The following SH3BGR variants were observed in gnomAD, a reference collection of about 807,000 sequenced individuals.
SH3BGR encodes SH3 domain binding glutamate rich protein.
In SH3BGR, 29 loss-of-function variants were observed where a neutral mutation model predicts 24.5. That is an observed-to-expected ratio of 1.18 (90% CI 0.88 to 1.61). SH3BGR has a LOEUF of 1.61. Among genes scored for constraint, SH3BGR ranks in the 40% most tolerant of loss-of-function variants. The probability of loss-of-function intolerance (pLI) is 0.00; values close to 1 mark genes in which losing one functional copy is unlikely to be tolerated. For missense variants in SH3BGR, 162 were observed against 205.8 expected, an observed-to-expected ratio of 0.79 and a Z score of 1.30; for synonymous variants, 55 against 65.7, an observed-to-expected ratio of 0.84 and a Z score of 0.79.
chr21:39,510,372 A>ACG (rs2078660217), intron 5 of SH3BGR, among the ~76,000 whole-genome samples: 1 of 145,294 alleles, frequency 6.9e-6, no homozygotes, highest in Non-Finnish European at 1.5e-5. Context: ...ACATACACAC[A>ACG]CACACACACA....
intron 3 of SH3BGR, among the ~76,000 whole-genome samples, chr21:39,493,679 G>C (rs1049120382): frequency 4.6e-5 from 7 of 152,092 alleles, no homozygotes; most frequent in African/African-American, 1.7e-4. Context: ...GATGGGAATT[G>C]CATTGAATTT....
At chr21:39,510,488 A>G (rs368812872) in intron 5 of SH3BGR, among the ~76,000 whole-genome samples, 133 of 149,460 alleles carry the variant, frequency 8.9e-4, no homozygotes, top group Non-Finnish European at 1.5e-3. Flanking sequence ...CACCCCATCA[A>G]TTTCTGGTGA....
At chr21:39,489,722 C>T (rs375010657) in intron 3 of SH3BGR, among the ~76,000 whole-genome samples, 1 of 152,140 alleles carries the variant, frequency 6.6e-6, no homozygotes. Flanking sequence ...AGAGTAATTG[C>T]GGTTTTTGCC....
chr21:39,491,585 G>C, intron 3 of SH3BGR: 1 of 256,948 alleles, frequency 3.9e-6, no homozygotes, highest in Non-Finnish European at 7.7e-6. Flanking sequence ...GCACCCGCAG[G>C]TCTAAGTAGG....
At position 39,509,969 on chromosome 21, in the gene SH3BGR, G is replaced by A. The variant is rs2078648976; in HGVS notation, c.435+942G>A. On this transcript the variant is annotated intron_variant, in intron 5 of 6. Transcript: ENST00000333634. Reference sequence around the variant, plus strand: ...AACTTTTTTTTTTTTTTGAGACGGAGTCCCGCTGTTTAGCCCAGGCCGGAT... The same window carrying A: ...AACTTTTTTTTTTTTTTGAGACGGAATCCCGCTGTTTAGCCCAGGCCGGAT... 1.6e-5 allele frequency among the ~76,000 whole-genome samples: 2 copies of A among 126,348 alleles called. 1 individual carries two copies. The highest frequency in any genetic ancestry group is 3.3e-5 in the Non-Finnish European group (2 of 60,656). 82.9% of individuals were successfully genotyped at this position (126,348 alleles called of 152,430 possible).
intron 6 of SH3BGR, 116 bp from the exon 7 acceptor site, chr21:39,514,972 G>C (rs2078757065): frequency 2.9e-6 from 1 of 341,614 alleles, no homozygotes; most frequent in African/African-American, 2.2e-5. Flanking sequence ...GATGACTAGT[G>C]GTTTATAGAA....
At chr21:39,469,970 T>G (rs1015752323) in intron 2 of SH3BGR, among the ~76,000 whole-genome samples, 1 of 152,104 alleles carries the variant, frequency 6.6e-6, no homozygotes, top group African/African-American at 2.4e-5. Context: ...GTATTTTCTT[T>G]ATTGTTAAGT....
intron 3 of SH3BGR, among the ~76,000 whole-genome samples, chr21:39,486,922 T>G (rs1335977823): frequency 6.6e-6 from 1 of 152,166 alleles, no homozygotes; most frequent in Non-Finnish European, 1.5e-5. Context: ...TTCAGCATGT[T>G]GGCCAGGCTG....
chr21:39,509,577 C>T lies in SH3BGR; in HGVS notation c.435+550C>T, dbSNP rs534374907. On this transcript the variant is annotated intron_variant, in intron 5 of 6. Coordinates refer to ENST00000333634, the MANE Select transcript of SH3BGR (RefSeq NM_007341.3). The stretch of plus-strand genomic sequence containing the variant: ...GCAACCTCCGCTTCCTGGGTTCAAG[C>T]GATTCTCCTGCCTCAGCCTTCTGAG... 3.7e-3 allele frequency among the ~76,000 whole-genome samples: 544 copies of T among 148,392 alleles called. 5 individuals carry two copies. The highest frequency in any genetic ancestry group is 0.012 in the African/African-American group (501 of 40,102).
At chr21:39,452,269 G>A in intron 1 of SH3BGR, 128 bp downstream of exon 1, 1 of 1,056,192 alleles carries the variant, frequency 9.5e-7, no homozygotes, top group East Asian at 2.4e-5. Context: ...ATAAGTATGT[G>A]CGCCCTTTGC....
At chr21:39,491,521 C>G in intron 3 of SH3BGR, 1 of 245,980 alleles carries the variant, frequency 4.1e-6, no homozygotes, top group South Asian at 5.8e-5. Context: ...AGTTTTTCTT[C>G]AGTCTTCTAA....
chr21:39,511,651 A>C lies in SH3BGR; in HGVS notation c.436-29A>C. The C allele has an allele frequency of 1.2e-6, 2 of 1,604,768 alleles. No individual in the cohort carries two copies. Among genetic ancestry groups the C allele is most frequent in the Non-Finnish European group, 1.7e-6 (2 of 1,177,258 alleles). ...TGTATCCTTGGCCCTTATGCTTCTT[A>C]ATACTAATGTAAGTTTTGTTAAAAT... On this transcript the variant is annotated intron_variant, in intron 5 of 6. Coordinates refer to ENST00000333634, the MANE Select transcript of SH3BGR (RefSeq NM_007341.3). The surrounding 1 kb of genome is among the most constrained non-coding windows in gnomAD (Gnocchi z 4.2).
chr21:39,497,238 T>C (rs1386690372), intron 3 of SH3BGR, among the ~76,000 whole-genome samples: 3 of 151,032 alleles, frequency 2.0e-5, no homozygotes, highest in Non-Finnish European at 4.4e-5. Flanking sequence ...AATTTATATA[T>C]ATTATAGTAA....
intron 5 of SH3BGR, among the ~76,000 whole-genome samples, chr21:39,510,909 CTATATATATATATA>C (rs61692072): frequency 1.2e-3 from 80 of 65,866 alleles, no homozygotes; most frequent in Middle Eastern, 0.025. Flanking sequence ...ATTCTTCTAA[CTATATATATATATA>C]TATATATATA....
At chr21:39,477,023 C>G (rs966541842) in intron 3 of SH3BGR, among the ~76,000 whole-genome samples, 1 of 152,058 alleles carries the variant, frequency 6.6e-6, no homozygotes, top group Non-Finnish European at 1.5e-5. Flanking sequence ...TATTTCTTCC[C>G]TTTGCAATAT....
chr21:39,463,033 A>G (rs7276880), intron 2 of SH3BGR, among the ~76,000 whole-genome samples: 63 of 152,228 alleles, frequency 4.1e-4, no homozygotes, highest in African/African-American at 1.3e-3. Flanking sequence ...GCAGGAGTGC[A>G]GTACTCCACC....
At chr21:39,489,050 G>A (rs2078256618) in intron 3 of SH3BGR, among the ~76,000 whole-genome samples, 3 of 152,168 alleles carry the variant, frequency 2.0e-5, no homozygotes. Context: ...GAAGACCAGA[G>A]GGAAGAAGGC....
intron 2 of SH3BGR, among the ~76,000 whole-genome samples, chr21:39,466,988 T>G (rs936296439): frequency 6.6e-6 from 1 of 152,220 alleles, no homozygotes; most frequent in African/African-American, 2.4e-5. Context: ...AATTCAGATT[T>G]TTGTTAAGGA....
At chr21:39,468,715 TG>T (rs957854053) in intron 2 of SH3BGR, among the ~76,000 whole-genome samples, 12 of 152,242 alleles carry the variant, frequency 7.9e-5, no homozygotes, top group Non-Finnish European at 1.5e-5. Flanking sequence ...CTGGGATTAC[TG>T]GTGTGAATCA....
Sources: allele counts gnomAD v4.1 joint callset (sites outside exome capture counted in the v4.1 genomes callset), GRCh38; gene constraint gnomAD v4.1.1; non-coding constraint Gnocchi (gnomAD v3.1); transcripts MANE v1.5; gene names NCBI Gene and HGNC (gene_info 2026-07-23, HGNC 2026-07-21).